The following ASAP1 variants were observed in gnomAD, a reference collection of about 807,000 sequenced individuals.
ASAP1 encodes the protein arf-GAP with SH3 domain, ANK repeat and PH domain-containing protein 1.
In ASAP1, 43 loss-of-function variants were observed where a neutral mutation model predicts 145.2. That is an observed-to-expected ratio of 0.30 (90% confidence interval 0.23 to 0.38). The LOEUF is 0.38. ASAP1 is among the 10% of genes least tolerant of loss of function. The pLI is 1.00. For synonymous variants in ASAP1, 546 were observed against 515.5 expected (o/e 1.06, Z -0.80); for missense variants, 1,018 against 1,355.3 (o/e 0.75, Z 3.91).
chr8:130,246,027 T>C (rs1818827992), intron 3 of ASAP1, among the ~76,000 whole-genome samples: 1 of 152,070 alleles, frequency 6.6e-6, no homozygotes, highest in African/African-American at 2.4e-5. Flanking sequence ...TGAAATCATT[T>C]TATAATCATT....
chr8:130,345,993 T>A (rs763326032), intron 3 of ASAP1, among the ~76,000 whole-genome samples: 9 of 152,214 alleles, frequency 5.9e-5, no homozygotes, highest in Non-Finnish European at 1.2e-4. Context: ...AACTGCTCTA[T>A]GCAATTGGTA....
intron 3 of ASAP1, among the ~76,000 whole-genome samples, chr8:130,290,593 C>T (rs1159896964): frequency 6.6e-6 from 1 of 152,204 alleles, no homozygotes; most frequent in African/African-American, 2.4e-5. Flanking sequence ...CCCCTTAAAT[C>T]CTTCCAGCCT....
intron 3 of ASAP1, among the ~76,000 whole-genome samples, chr8:130,313,475 T>G (rs1264765841): frequency 1.8e-4 from 27 of 152,176 alleles, no homozygotes; most frequent in Non-Finnish European, 1.5e-5. Context: ...CTGTTTTAAA[T>G]AATGCCTTCA....
At chr8:130,064,300 A>C (rs1182495256) in intron 27 of ASAP1, among the ~76,000 whole-genome samples, 1 of 152,142 alleles carries the variant, frequency 6.6e-6, no homozygotes, top group Non-Finnish European at 1.5e-5. Context: ...CTGGGTTTTA[A>C]ATAGATGTGG....
At chr8:130,146,394 C>T (rs1343147814) in intron 13 of ASAP1, among the ~76,000 whole-genome samples, 2 of 152,152 alleles carry the variant, frequency 1.3e-5, no homozygotes, top group African/African-American at 2.4e-5. Context: ...AATGGTCACA[C>T]TTTCTAAATT....
intron 12 of ASAP1, among the ~76,000 whole-genome samples, chr8:130,153,999 G>T (rs1035876438): frequency 1.3e-5 from 2 of 152,148 alleles, no homozygotes; most frequent in African/African-American, 4.8e-5. Context: ...TTCAAGACCA[G>T]CCTGGACAAC....
intron 1 of ASAP1, among the ~76,000 whole-genome samples, chr8:130,432,980 G>A (rs887581603): frequency 6.6e-6 from 1 of 152,170 alleles, no homozygotes; most frequent in Non-Finnish European, 1.5e-5. Flanking sequence ...ACACCTGGTC[G>A]CTCACTCGCC....
At chr8:130,381,286 C>T (rs1827756201) in intron 2 of ASAP1, among the ~76,000 whole-genome samples, 1 of 152,192 alleles carries the variant, frequency 6.6e-6, no homozygotes, top group Admixed American at 6.5e-5. Context: ...CCTTGGCCTC[C>T]CAAAGGGCTG....
At chr8:130,116,163 G>T (rs28620907) in intron 22 of ASAP1, among the ~76,000 whole-genome samples, 10,333 of 152,254 alleles carry the variant, frequency 0.068, 1,193 homozygotes, top group African/African-American at 0.23. Context: ...CAACTGGTGG[G>T]CCTGGAACCT....
chr8:130,234,713 C>T (rs1004159180), intron 4 of ASAP1, among the ~76,000 whole-genome samples: 14 of 146,374 alleles, frequency 9.6e-5, no homozygotes, highest in Non-Finnish European at 7.4e-5. Flanking sequence ...GCCCTCAGCA[C>T]GGTAAATACA....
At chr8:130,346,429 T>C (rs1422818726) in intron 3 of ASAP1, among the ~76,000 whole-genome samples, 1 of 152,234 alleles carries the variant, frequency 6.6e-6, no homozygotes, top group East Asian at 1.9e-4. Context: ...TCTTTTTCAT[T>C]AGCATTGCAT....
chr8:130,116,586 T>A, intron 22 of ASAP1, 92 bp downstream of exon 22: 1 of 1,125,794 alleles, frequency 8.9e-7, no homozygotes, highest in Non-Finnish European at 1.3e-6. Flanking sequence ...AAAAAATGAA[T>A]CTGCATTTTT....
intron 2 of ASAP1, among the ~76,000 whole-genome samples, chr8:130,394,788 C>T (rs1321245024): frequency 6.6e-6 from 1 of 152,186 alleles, no homozygotes; most frequent in South Asian, 2.1e-4. Flanking sequence ...AAAGAACCTA[C>T]GTGACTATCA....
chr8:130,236,318 A>ATT lies in ASAP1; in HGVS notation c.259+602_259+603dup, dbSNP rs560221831. On this transcript the variant is annotated intron_variant, in intron 4 of 29. Coordinates refer to ENST00000518721, the MANE Select transcript of ASAP1 (RefSeq NM_018482.4). The stretch of plus-strand genomic sequence containing the variant: ...AGCCTACCATTTTTTGTGGTTACTC[A>ATT]TTTTTTTTTTTTTAATTTAGTTTGT... Among the ~76,000 whole-genome samples, 259 of 144,950 alleles carry ATT rather than the reference A, an allele frequency of 1.8e-3. 1 individual carries two copies. The highest frequency in any genetic ancestry group is 0.011 in the Middle Eastern group (3 of 280).
chr8:130,410,094 T>C (rs16904268), intron 1 of ASAP1, among the ~76,000 whole-genome samples: 51,427 of 152,138 alleles, frequency 0.34, 9,717 homozygotes, highest in African/African-American at 0.5. Flanking sequence ...CAGCTTCCCA[T>C]AGTGAGAATT....
chr8:130,160,916 C>CT, intron 11 of ASAP1: 1 of 666,740 alleles, frequency 1.5e-6, no homozygotes, highest in East Asian at 6.9e-5. Flanking sequence ...GAAAATATCA[C>CT]TGTAAAGATA....
chr8:130,214,577 C>T lies in ASAP1; in HGVS notation c.384G>A (p.Leu128=), dbSNP rs1219456045. ...FVKFSTLTKE[L]STLLKNLLQG... ...TTACCAGATTTTTCAGCAGTGTGGA[C>T]AGTTCCTTTGTAAGAGTAGAAAACT... The change falls in exon 5 of 30, where the codon CTG becomes CTA. Residue 128 remains leucine, a synonymous_variant. Coordinates refer to ENST00000518721, the MANE Select transcript of ASAP1 (RefSeq NM_018482.4). 2 of 1,608,844 alleles carry T rather than the reference C, an allele frequency of 1.2e-6. No homozygotes were observed. The highest frequency in any genetic ancestry group is 3.4e-5 in the Admixed American group (2 of 58,660).
chr8:130,296,423 A>G (rs1216635695), intron 3 of ASAP1, among the ~76,000 whole-genome samples: 2 of 152,074 alleles, frequency 1.3e-5, no homozygotes, highest in Non-Finnish European at 2.9e-5. Flanking sequence ...CCCTGATGTC[A>G]TGCTTACTCC....
intron 3 of ASAP1, among the ~76,000 whole-genome samples, chr8:130,264,431 T>C (rs915447562): frequency 6.6e-6 from 1 of 152,160 alleles, no homozygotes; most frequent in South Asian, 2.1e-4. Flanking sequence ...GGCAGCTGAC[T>C]TGGCTAGCAG....
Sources: gnomAD v4.1 joint callset for allele counts (sites outside exome capture counted in the v4.1 genomes callset) on GRCh38, gnomAD v4.1.1 for gene constraint, MANE v1.5 for transcripts, NCBI Gene and HGNC (gene_info 2026-07-23, HGNC 2026-07-21) for gene names.